The following PLCB1 variants were observed in gnomAD, a reference collection of about 807,000 sequenced individuals.
PLCB1 encodes the protein phospholipase C beta 1, also known as 1-phosphatidylinositol 4,5-bisphosphate phosphodiesterase beta-1.
In PLCB1, 46 loss-of-function variants were observed where a neutral mutation model predicts 161.8. That is an observed-to-expected ratio of 0.28 (90% CI 0.22 to 0.36). PLCB1 has a LOEUF of 0.36. PLCB1 is among the 10% of genes least tolerant of loss of function. The pLI is 1.00. For synonymous variants in PLCB1, 517 were observed against 503.7 expected (o/e 1.03, Z -0.35); for missense variants, 1,016 against 1,472.5 (o/e 0.69, Z 5.07).
At chr20:8,322,984 AAGG>A (rs1235113662) in intron 2 of PLCB1, among the ~76,000 whole-genome samples, 5 of 152,182 alleles carry the variant, frequency 3.3e-5, no homozygotes, top group Non-Finnish European at 2.9e-5. Context: ...TGTTCATTAG[AAGG>A]TGAGGCTCTT....
intron 31 of PLCB1, among the ~76,000 whole-genome samples, chr20:8,825,099 T>C (rs1985626876): frequency 6.6e-6 from 1 of 152,208 alleles, no homozygotes; most frequent in Non-Finnish European, 1.5e-5. Flanking sequence ...CACACGTTTT[T>C]TGAATGTATT....
At chr20:8,189,337 AT>A (rs1244453276) in intron 2 of PLCB1, among the ~76,000 whole-genome samples, 15 of 141,100 alleles carry the variant, frequency 1.1e-4, no homozygotes, top group South Asian at 2.3e-4. Context: ...ATATATATAT[AT>A]ATAAAACATA....
At chr20:8,232,431 A>C (rs540438931) in intron 2 of PLCB1, among the ~76,000 whole-genome samples, 1 of 152,260 alleles carries the variant, frequency 6.6e-6, no homozygotes, top group Admixed American at 6.5e-5. Flanking sequence ...GTAAACTCTG[A>C]TGTCTGCTGC....
chr20:8,583,334 TAA>T (rs1414907001), intron 3 of PLCB1, among the ~76,000 whole-genome samples: 4 of 152,156 alleles, frequency 2.6e-5, no homozygotes, highest in African/African-American at 4.8e-5. Flanking sequence ...TTAAAAATGG[TAA>T]AAGTGATAAA....
chr20:8,379,438 A>G (rs549132644), intron 3 of PLCB1, among the ~76,000 whole-genome samples: 1 of 152,204 alleles, frequency 6.6e-6, no homozygotes, highest in African/African-American at 2.4e-5. Flanking sequence ...TTATAATAGA[A>G]TGACTTATAT....
chr20:8,499,812 A>T (rs1983330398), intron 3 of PLCB1, among the ~76,000 whole-genome samples: 1 of 152,336 alleles, frequency 6.6e-6, no homozygotes, highest in Non-Finnish European at 1.5e-5. Context: ...TCATTAATTC[A>T]TTCAACCAAT....
chr20:8,175,696 T>A (rs907313934), intron 2 of PLCB1, among the ~76,000 whole-genome samples: 2 of 151,838 alleles, frequency 1.3e-5, no homozygotes, highest in Admixed American at 6.6e-5. Flanking sequence ...CTGTGTAAAA[T>A]CCTAAAAAGA....
chr20:8,675,357 A>G (rs1265579432), intron 9 of PLCB1, among the ~76,000 whole-genome samples: 2 of 152,166 alleles, frequency 1.3e-5, no homozygotes, highest in African/African-American at 4.8e-5. Context: ...ATGGCACTCT[A>G]CCTGGGAGAA....
chr20:8,631,221 C>T (rs1171082868), intron 4 of PLCB1, among the ~76,000 whole-genome samples: 1 of 152,200 alleles, frequency 6.6e-6, no homozygotes, highest in African/African-American at 2.4e-5. Flanking sequence ...TCATTTCTAA[C>T]TGGTCCCAGG....
intron 3 of PLCB1, among the ~76,000 whole-genome samples, chr20:8,504,433 GAT>G (rs1568702545): frequency 6.6e-6 from 1 of 152,228 alleles, no homozygotes; most frequent in East Asian, 1.9e-4. Context: ...AAATAGCACT[GAT>G]AAATATTTTC....
intron 2 of PLCB1, among the ~76,000 whole-genome samples, chr20:8,279,067 T>C (rs1982746030): frequency 6.6e-6 from 1 of 151,696 alleles, no homozygotes; most frequent in South Asian, 2.1e-4. Context: ...GAATGTAAAA[T>C]GGTCCAGCTG....
At chr20:8,418,978 A>G (rs970806715) in intron 3 of PLCB1, among the ~76,000 whole-genome samples, 70 of 152,270 alleles carry the variant, frequency 4.6e-4, no homozygotes, top group African/African-American at 1.6e-3. Context: ...GTCTATATAA[A>G]ATATTTCCTG....
intron 2 of PLCB1, among the ~76,000 whole-genome samples, chr20:8,313,800 C>T (rs1258101689): frequency 6.6e-6 from 1 of 152,114 alleles, no homozygotes; most frequent in Non-Finnish European, 1.5e-5. Context: ...TCTTTTCTAT[C>T]CAAATCCAAA....
chr20:8,323,156 C>A (rs1312330041), intron 2 of PLCB1, among the ~76,000 whole-genome samples: 2 of 152,100 alleles, frequency 1.3e-5, no homozygotes, highest in Non-Finnish European at 2.9e-5. Flanking sequence ...TTTGGTCATT[C>A]TCTTTCTTTC....
intron 31 of PLCB1, among the ~76,000 whole-genome samples, chr20:8,799,524 T>A (rs1984187575): frequency 6.6e-6 from 1 of 152,216 alleles, no homozygotes; most frequent in South Asian, 2.1e-4. Context: ...CTGTTTTTTT[T>A]AAAGCCCTAT....
At chr20:8,873,826 G>A (rs377494755) in intron 31 of PLCB1, among the ~76,000 whole-genome samples, 9 of 151,928 alleles carry the variant, frequency 5.9e-5, no homozygotes, top group East Asian at 1.9e-4. Context: ...AAACACTTAC[G>A]TTTTATTCAT....
chr20:8,307,923 A>AAAAC lies in PLCB1; in HGVS notation c.178-63439_178-63436dup, dbSNP rs990608511. Among the ~76,000 whole-genome samples the AAAAC allele has an allele frequency of 3.0e-4, 46 of 151,916 alleles. 2 individuals carry two copies. Among genetic ancestry groups the AAAAC allele is most frequent in the Admixed American group, 2.1e-3 (32 of 15,246 alleles). ...GGGCAACAGAGCAAGACTCCATCTC[A>AAAAC]AAACAAACAAACAAACAAACAAAAC... On this transcript the variant is annotated intron_variant, in intron 2 of 31. Transcript: ENST00000338037.
At chr20:8,876,350 A>G (rs750922189) in intron 31 of PLCB1, among the ~76,000 whole-genome samples, 1 of 152,206 alleles carries the variant, frequency 6.6e-6, no homozygotes, top group Non-Finnish European at 1.5e-5. Context: ...AAGTTTGACA[A>G]TGTTATGCTA....
chr20:8,750,932 TC>T, intron 23 of PLCB1: 37 of 578,070 alleles, frequency 6.4e-5, no homozygotes, highest in Non-Finnish European at 9.6e-5. Flanking sequence ...AGAACTGCAC[TC>T]TTTTTTTTTT....
Sources: gnomAD v4.1 joint callset for allele counts (sites outside exome capture counted in the v4.1 genomes callset) on GRCh38, gnomAD v4.1.1 for gene constraint, MANE v1.5 for transcripts, NCBI Gene and HGNC (gene_info 2026-07-23, HGNC 2026-07-21) for gene names.